The following SRPK2 variants were observed in gnomAD, a reference collection of about 807,000 sequenced individuals.
SRPK2 encodes SRSF protein kinase 2.
SRPK2 carries 21 observed loss-of-function variants against 90.8 expected under a neutral mutation model. The ratio of observed to expected loss-of-function variants is 0.23; its 90% CI spans 0.16 to 0.33. SRPK2 has a LOEUF of 0.33. Ranked by LOEUF, SRPK2 falls within the 10% of genes least tolerant of loss-of-function variation. The pLI, the probability that SRPK2 is intolerant of heterozygous loss-of-function variation, is 1.00. For synonymous variants in SRPK2, 288 were observed against 311.1 expected (o/e 0.93, Z 0.78); for missense variants, 620 against 869.0 (o/e 0.71, Z 3.60).
At chr7:105,342,346 TTAATAA>T (rs972891338) in intron 2 of SRPK2, among the ~76,000 whole-genome samples, 2 of 149,524 alleles carry the variant, frequency 1.3e-5, no homozygotes, top group East Asian at 1.9e-4. Context: ...AATAATAATA[TTAATAA>T]TAATAATTAA....
chr7:105,188,344 G>A (rs1793853533), intron 3 of SRPK2, among the ~76,000 whole-genome samples: 2 of 151,086 alleles, frequency 1.3e-5, no homozygotes, highest in Admixed American at 1.3e-4. Context: ...AGGAGAATAG[G>A]GACTGGCTGT....
intron 2 of SRPK2, among the ~76,000 whole-genome samples, chr7:105,300,178 G>A (rs759604922): frequency 2.1e-5 from 3 of 144,154 alleles, no homozygotes; most frequent in East Asian, 2.0e-4. Flanking sequence ...GCTTCAACTC[G>A]GGAGGCAGAG....
chr7:105,168,565 C>T (rs1335352965), intron 4 of SRPK2, among the ~76,000 whole-genome samples: 3 of 152,052 alleles, frequency 2.0e-5, no homozygotes, highest in Non-Finnish European at 4.4e-5. Flanking sequence ...GGTGGGGCCA[C>T]ATTAAATAGT....
At chr7:105,346,873 A>AC (rs1816523451) in intron 2 of SRPK2, among the ~76,000 whole-genome samples, 1 of 151,550 alleles carries the variant, frequency 6.6e-6, no homozygotes, top group African/African-American at 2.4e-5. Flanking sequence ...AAAAAAAAAA[A>AC]AACTTTATTC....
At chr7:105,193,759 A>C (rs1794591238) in intron 3 of SRPK2, among the ~76,000 whole-genome samples, 1 of 152,258 alleles carries the variant, frequency 6.6e-6, no homozygotes, top group Non-Finnish European at 1.5e-5. Context: ...ATATATGCTC[A>C]ATGCAGAAAA....
At chr7:105,170,911 GAA>G (rs1451902755) in intron 3 of SRPK2, among the ~76,000 whole-genome samples, 1 of 89,520 alleles carries the variant, frequency 1.1e-5, no homozygotes, top group African/African-American at 4.5e-5. Flanking sequence ...AAGAAAGAAA[GAA>G]AGGAGAAAGA....
chr7:105,326,728 C>T (rs550901137), intron 2 of SRPK2, among the ~76,000 whole-genome samples: 18 of 152,180 alleles, frequency 1.2e-4, no homozygotes, highest in African/African-American at 4.3e-4. Flanking sequence ...ATAATGCATG[C>T]TCTGACTACA....
intron 2 of SRPK2, among the ~76,000 whole-genome samples, chr7:105,310,264 T>C (rs1035267088): frequency 2.6e-5 from 4 of 152,078 alleles, no homozygotes; most frequent in Non-Finnish European, 5.9e-5. Context: ...CAAACATAGG[T>C]AGCAGATAAA....
intron 2 of SRPK2, among the ~76,000 whole-genome samples, chr7:105,226,506 G>T (rs528487651): frequency 6.6e-6 from 1 of 152,126 alleles, no homozygotes; most frequent in African/African-American, 2.4e-5. Flanking sequence ...GGCCAGGCTG[G>T]TCTTAGAACT....
rs1005809414 is a variant in SRPK2 at position 105,268,996 on chromosome 7, T to C, written c.72-65211A>G. 4.5e-5 allele frequency: 63 copies of C among 1,386,174 alleles called. No homozygotes were observed. In the African/African-American group the frequency reaches 8.2e-4, roughly 18 times the overall value. 85.9% of individuals were successfully genotyped at this position (1,386,174 alleles called of 1,614,324 possible). ...GGCCACAAGATTCGCAGTACTTCTG[T>C]TAGGACTGGGATTCAATGGTGCTAT... is the stretch of plus-strand genomic sequence containing the variant. On this transcript the variant is annotated intron_variant, in intron 2 of 15. Coordinates refer to ENST00000393651, the MANE Select transcript of SRPK2 (RefSeq NM_182692.3).
At chr7:105,243,979 T>A (rs1273651737) in intron 2 of SRPK2, among the ~76,000 whole-genome samples, 2 of 152,212 alleles carry the variant, frequency 1.3e-5, no homozygotes, top group African/African-American at 4.8e-5. Context: ...AAGATGAGTG[T>A]GCCTCCAAGG....
chr7:105,281,310 G>A (rs1807302611), intron 2 of SRPK2, among the ~76,000 whole-genome samples: 1 of 151,958 alleles, frequency 6.6e-6, no homozygotes, highest in East Asian at 1.9e-4. Context: ...TAGCTGGGCT[G>A]GTCTCAAACT....
At chr7:105,274,142 A>G (rs1806183724) in intron 2 of SRPK2, among the ~76,000 whole-genome samples, 1 of 152,192 alleles carries the variant, frequency 6.6e-6, no homozygotes, top group Non-Finnish European at 1.5e-5. Context: ...TTTTGGATAA[A>G]CACAGAAACT....
intron 15 of SRPK2, among the ~76,000 whole-genome samples, chr7:105,123,440 C>T (rs1800691934): frequency 6.6e-6 from 1 of 152,130 alleles, no homozygotes; most frequent in African/African-American, 2.4e-5. Flanking sequence ...CACTCTCCAT[C>T]AGTAACTGCT....
chr7:105,296,276 C>G (rs918817352), intron 2 of SRPK2, among the ~76,000 whole-genome samples: 1 of 152,136 alleles, frequency 6.6e-6, no homozygotes, highest in Non-Finnish European at 1.5e-5. Flanking sequence ...CACAGAGAAG[C>G]AAGAAAGTGG....
At chr7:105,134,448 G>A (rs879714240) in intron 11 of SRPK2, among the ~76,000 whole-genome samples, 3 of 152,216 alleles carry the variant, frequency 2.0e-5, no homozygotes, top group Non-Finnish European at 4.4e-5. Flanking sequence ...ACAGCCTGTG[G>A]AACTGTGAGC....
chr7:105,333,873 T>C (rs1220784203), intron 2 of SRPK2, among the ~76,000 whole-genome samples: 1 of 152,284 alleles, frequency 6.6e-6, no homozygotes, highest in East Asian at 1.9e-4. Context: ...ACAGATTTCT[T>C]CCAGTCATTT....
intron 2 of SRPK2, among the ~76,000 whole-genome samples, chr7:105,270,342 T>A (rs1805662857): frequency 6.6e-6 from 1 of 150,874 alleles, no homozygotes; most frequent in South Asian, 2.1e-4. Flanking sequence ...GCCCCTCCCC[T>A]CATTTTGGAA....
At chr7:105,208,106 A>G (rs968741490) in intron 2 of SRPK2, among the ~76,000 whole-genome samples, 1 of 152,242 alleles carries the variant, frequency 6.6e-6, no homozygotes, top group African/African-American at 2.4e-5. Context: ...ACACCACTTC[A>G]TACCCACTAG....
Sources: gnomAD v4.1 joint callset for allele counts (sites outside exome capture counted in the v4.1 genomes callset) on GRCh38, gnomAD v4.1.1 for gene constraint, MANE v1.5 for transcripts, NCBI Gene and HGNC (gene_info 2026-07-23, HGNC 2026-07-21) for gene names.